Variants in CC2D2A observed in about 807,000 individuals in gnomAD.
The protein encoded by CC2D2A is coiled-coil and C2 domain-containing protein 2A.
Under a neutral mutation model 212.9 loss-of-function variants are expected in CC2D2A, and 155 were observed. The ratio of observed to expected loss-of-function variants is 0.73; its 90% CI spans 0.64 to 0.83. The LOEUF is 0.83. CC2D2A is among the 40% of genes least tolerant of loss of function. The pLI is 0.00. For synonymous variants in CC2D2A, 667 were observed against 686.5 expected, an observed-to-expected ratio of 0.97 and a Z score of 0.44; for missense variants, 1,856 against 1,956.2, an observed-to-expected ratio of 0.95 and a Z score of 0.97.
intron 26 of CC2D2A, among the ~76,000 whole-genome samples, 177 bp downstream of exon 26, chr4:15,567,963 A>C (rs1370280973): frequency 6.6e-6 from 1 of 152,172 alleles, no homozygotes; most frequent in Non-Finnish European, 1.5e-5. Context: ...GACTCCCTTC[A>C]AGAATAAAAA....
intron 22 of CC2D2A, among the ~76,000 whole-genome samples, chr4:15,559,597 A>G (rs1227107882): frequency 6.6e-6 from 1 of 152,212 alleles, no homozygotes; most frequent in Non-Finnish European, 1.5e-5. Flanking sequence ...AAAAGTTTTT[A>G]AACCATATAC....
chr4:15,487,957 T>TCC (rs34105045), intron 4 of CC2D2A, among the ~76,000 whole-genome samples: 12 of 151,576 alleles, frequency 7.9e-5, no homozygotes, highest in African/African-American at 2.7e-4. Flanking sequence ...TAACCCCGTC[T>TCC]CCCCCCTGCT....
intron 7 of CC2D2A, 148 bp from the exon 8 acceptor site, chr4:15,511,099 T>C: frequency 1.2e-6 from 1 of 803,624 alleles, no homozygotes; most frequent in Non-Finnish European, 1.8e-6. Context: ...TTATTACCAG[T>C]AGTCTCACAC....
At chr4:15,587,992 A>C (rs762896258) in intron 32 of CC2D2A, 63 bp downstream of exon 32, 18 of 886,478 alleles carry the variant, frequency 2.0e-5, no homozygotes, top group Non-Finnish European at 2.9e-5. Flanking sequence ...TGTGTGTTCC[A>C]GATCACACAC....
At chr4:15,588,053 G>C in intron 32 of CC2D2A, 124 bp downstream of exon 32, 1 of 575,786 alleles carries the variant, frequency 1.7e-6, no homozygotes, top group East Asian at 2.9e-5. Flanking sequence ...GTGGCCCACA[G>C]ATGCCGTAAC....
chr4:15,557,792 TTAATATGGC>T (rs1022297607), intron 21 of CC2D2A, among the ~76,000 whole-genome samples: 1 of 152,152 alleles, frequency 6.6e-6, no homozygotes, highest in Non-Finnish European at 1.5e-5. Context: ...ATCTTAGAGG[TTAATATGGC>T]TAATAATATG....
At chr4:15,475,335 T>C (rs993938522) in intron 1 of CC2D2A, among the ~76,000 whole-genome samples, 1 of 152,078 alleles carries the variant, frequency 6.6e-6, no homozygotes, top group Non-Finnish European at 1.5e-5. Context: ...TACAGCATTT[T>C]TTCCACTGGT....
Position 15,480,826 on chromosome 4 carries a change from G to A in CC2D2A, c.246G>A (p.Arg82=), listed in dbSNP as rs759135400. 2.5e-6 allele frequency: 4 copies of A among 1,611,152 alleles called. No homozygotes were observed. In the Admixed American group the frequency reaches 5.0e-5, roughly 20 times the overall value. ...GTATGACAGTCCGGAGAGGCCCACG[G>A]AGTAAGTGCCCCTCTTCCATTCAGC... is the stretch of plus-strand genomic sequence containing the variant. ...LLSMTVRRGP[R]SLPPIPSTSR... Residue 82 remains arginine, a splice_region_variant and synonymous_variant, in exon 4 of 37, where the codon CGG becomes CGA. Transcript: ENST00000424120.
chr4:15,540,118 AACT>A (rs1435279718), intron 16 of CC2D2A, among the ~76,000 whole-genome samples: 1 of 152,136 alleles, frequency 6.6e-6, no homozygotes, highest in Non-Finnish European at 1.5e-5. Context: ...ATTTTTAATA[AACT>A]ACCACCCCTC....
intron 6 of CC2D2A, among the ~76,000 whole-genome samples, chr4:15,509,804 C>T (rs375153313): frequency 8.2e-4 from 125 of 152,206 alleles, no homozygotes; most frequent in Admixed American, 1.4e-3. Context: ...AACTACACAC[C>T]AAGGCTGCAA....
chr4:15,478,978 G>C (rs931730321), intron 3 of CC2D2A, among the ~76,000 whole-genome samples, 172 bp downstream of exon 3: 17 of 152,116 alleles, frequency 1.1e-4, no homozygotes, highest in African/African-American at 4.1e-4. Flanking sequence ...CAGGGTGCAG[G>C]AGCCTGATTC....
chr4:15,601,066 G>A (rs896811589), intron 36 of CC2D2A, among the ~76,000 whole-genome samples, 171 bp from the exon 37 acceptor site: 1 of 152,102 alleles, frequency 6.6e-6, no homozygotes, highest in Admixed American at 6.6e-5. Context: ...AAAACAAAAT[G>A]GATATTAAGC....
intron 4 of CC2D2A, chr4:15,493,002 T>C (rs1055101676): frequency 4.8e-6 from 2 of 415,720 alleles, no homozygotes; most frequent in East Asian, 1.3e-4. Context: ...GGATGACCTA[T>C]GTGGTTGCAT....
At chr4:15,595,696 C>T (rs112951699) in intron 33 of CC2D2A, among the ~76,000 whole-genome samples, 7 of 152,288 alleles carry the variant, frequency 4.6e-5, no homozygotes, top group Non-Finnish European at 7.4e-5. Flanking sequence ...TCAGAGAATG[C>T]GCATTGCTGT....
chr4:15,568,633 C>T (rs533069975), intron 26 of CC2D2A, among the ~76,000 whole-genome samples: 29 of 152,286 alleles, frequency 1.9e-4, no homozygotes, highest in African/African-American at 6.3e-4. Flanking sequence ...AAGAAGGTAA[C>T]AGCTACCACT....
intron 36 of CC2D2A, among the ~76,000 whole-genome samples, chr4:15,600,917 AAAAAG>A (rs1191338381): frequency 4.0e-5 from 6 of 149,834 alleles, no homozygotes; most frequent in South Asian, 2.1e-4. Flanking sequence ...AAAAAAAAAA[AAAAAG>A]AAAAAAGAAA....
chr4:15,540,780 T>C, intron 16 of CC2D2A, 57 bp from the exon 17 acceptor site: 1 of 1,454,994 alleles, frequency 6.9e-7, no homozygotes, highest in Non-Finnish European at 9.4e-7. Context: ...TATCATATAT[T>C]TTGGTGATCT....
At chr4:15,595,014 T>C (rs1208138822) in intron 33 of CC2D2A, among the ~76,000 whole-genome samples, 1 of 152,106 alleles carries the variant, frequency 6.6e-6, no homozygotes, top group Non-Finnish European at 1.5e-5. Context: ...GGGGTCTCAC[T>C]ATGCTGTCCA....
chr4:15,597,596 C>G (rs1042460405), intron 35 of CC2D2A, 131 bp downstream of exon 35: 17 of 746,764 alleles, frequency 2.3e-5, no homozygotes, highest in Non-Finnish European at 3.9e-5. Flanking sequence ...TTATAGATTC[C>G]AAATACAGAT....
Sources: allele counts gnomAD v4.1 joint callset (sites outside exome capture counted in the v4.1 genomes callset), GRCh38; gene constraint gnomAD v4.1.1; transcripts MANE v1.5; gene names NCBI Gene and HGNC (gene_info 2026-07-23, HGNC 2026-07-21).